Variants in IMPDH2 observed in about 807,000 individuals in gnomAD.
IMPDH2 encodes the protein inosine-5'-monophosphate dehydrogenase 2.
Under a neutral mutation model 57.8 loss-of-function variants are expected in IMPDH2, and 33 were observed. That is an observed-to-expected ratio of 0.57 (90% confidence interval 0.43 to 0.76). The LOEUF (loss-of-function observed/expected upper bound fraction) is 0.76. Among genes scored for constraint, IMPDH2 ranks in the 30% least tolerant of loss-of-function variants. The pLI is 0.00. For synonymous variants in IMPDH2, 270 were observed against 241.3 expected (o/e 1.12, Z -1.10); for missense variants, 446 against 659.1 (o/e 0.68, Z 3.54).
At chr3:49,027,630 G>T in intron 5 of IMPDH2, 80 bp downstream of exon 5, 1 of 1,178,088 alleles carries the variant, frequency 8.5e-7, no homozygotes, top group Non-Finnish European at 1.3e-6. Context: ...GAGGCTATCA[G>T]AGATGTCTTA....
Position 49,026,729 on chromosome 3 carries a change from C to T in IMPDH2, c.777G>A (p.Arg259=). 6.2e-7 allele frequency: 1 copy of T among 1,614,218 alleles called. No homozygotes were observed. The highest frequency in any genetic ancestry group is 1.1e-5 in the South Asian group (1 of 91,090). ...AIGTHEDDKY[R]LDLLAQAGVD... Reference sequence around the variant, plus strand: ...CACCAGCCTGGGCGAGCAAGTCCAGCCTATACTTGTCATCCTCATGAGTGC... The same window carrying T: ...CACCAGCCTGGGCGAGCAAGTCCAGTCTATACTTGTCATCCTCATGAGTGC... The change falls in exon 7 of 14, where the codon AGG becomes AGA. Residue 259 remains arginine (R), a synonymous_variant. Transcript: ENST00000326739.
rs780190653 is a variant in IMPDH2 at position 49,028,431 on chromosome 3, C to T, written c.249G>A (p.Ala83=). ...TTCCCCCACACCCCATGGGGCTCAC[C>T]GCCATTGCTATGGCCATCCCAGCCT... ...VTEAGMAIAM[A]LTGGIGFIHH... The change falls in exon 3 of 14, where the codon GCG becomes GCA. Residue 83 remains alanine, a splice_region_variant and synonymous_variant. Transcript: ENST00000326739. The T allele has an allele frequency of 2.2e-5, 36 of 1,611,946 alleles. No individual in the cohort carries two copies. The highest frequency in any genetic ancestry group is 2.8e-5 in the Non-Finnish European group (33 of 1,178,132).
Position 49,028,259 on chromosome 3 carries a change from G to A in IMPDH2, c.313C>T (p.Arg105Trp), listed in dbSNP as rs149685959. Reference sequence around the variant, plus strand: ...GTTGCCCTTCTGACCTTCACTTTCCGAACTTCATTGGCCTGGAATTCAGGT... The same window carrying A: ...GTTGCCCTTCTGACCTTCACTTTCCAAACTTCATTGGCCTGGAATTCAGGT... Reference protein sequence around the residue: ...CTPEFQANEVRKVKKYEQGFI... With the variant: ...CTPEFQANEVWKVKKYEQGFI... The change falls in exon 4 of 14, where the codon CGG (arginine) becomes TGG (tryptophan). Residue 105 changes from arginine to tryptophan, a missense_variant. Arg to Trp is a moderately radical substitution (Grantham distance 101). Transcript: ENST00000326739. 3.1e-6 allele frequency: 5 copies of A among 1,613,980 alleles called. No homozygotes were observed. The highest frequency in any genetic ancestry group is 4.2e-6 in the Non-Finnish European group (5 of 1,179,922).
intron 10 of IMPDH2, 37 bp downstream of exon 10, chr3:49,025,089 G>C (rs1444014793): frequency 1.2e-6 from 2 of 1,614,230 alleles, no homozygotes; most frequent in East Asian, 2.2e-5. Flanking sequence ...GCACTAGGGA[G>C]GGGGTCCCAC....
intron 9 of IMPDH2, 200 bp from the exon 10 acceptor site, chr3:49,025,469 C>T: frequency 1.6e-6 from 1 of 606,340 alleles, no homozygotes. Context: ...TCTACTCACC[C>T]CCACATGTGC....
intron 1 of IMPDH2, 159 bp from the exon 2 acceptor site, chr3:49,028,965 G>C (rs544071614): frequency 1.4e-6 from 1 of 696,424 alleles, no homozygotes; most frequent in Non-Finnish European, 2.6e-6. Context: ...AATGGGTACA[G>C]GGGACCTTTT....
chr3:49,026,607 G>C lies in IMPDH2; in HGVS notation c.822C>G (p.Asp274Glu). The C allele has an allele frequency of 6.2e-7, 1 of 1,612,954 alleles. No homozygotes were observed. The highest frequency in any genetic ancestry group is 8.5e-7 in the Non-Finnish European group (1 of 1,178,906). The change falls in exon 8 of 14, where the codon GAC (aspartate) becomes GAG (glutamate). Residue 274 changes from aspartate to glutamate, a missense_variant and splice_region_variant. Coordinates refer to ENST00000326739, the MANE Select transcript of IMPDH2 (RefSeq NM_000884.3). The part of the protein sequence containing the change: ...AQAGVDVVVL[D>E]SSQGNSIFQI... ...GGAAGATGGAATTTCCCTGGGAAGA[G>C]TCCTAGGACAAGAAGTAAGTCTCAG...
In IMPDH2 at chr3:49,028,499, G is replaced by A; in HGVS notation, c.181C>T (p.Leu61Phe). 1 of 1,614,122 alleles carries A rather than the reference G, an allele frequency of 6.2e-7. No individual in the cohort carries two copies. Among genetic ancestry groups the A allele is most frequent in the Non-Finnish European group, 8.5e-7 (1 of 1,179,990 alleles). ...LTSALTKKIT[L>F]KTPLVSSPMD... Reference sequence around the variant, plus strand: ...GGAGAGGAAACCAGTGGGGTCTTAAGAGTGATTTTCTTGGTCAGAGCAGAA... The same window carrying A: ...GGAGAGGAAACCAGTGGGGTCTTAAAAGTGATTTTCTTGGTCAGAGCAGAA... Residue 61 changes from leucine to phenylalanine, a missense_variant, in exon 3 of 14, where the codon CTT (leucine) becomes TTT (phenylalanine). Coordinates refer to ENST00000326739, the MANE Select transcript of IMPDH2 (RefSeq NM_000884.3).
At chr3:49,025,364 A>C in intron 9 of IMPDH2, 95 bp from the exon 10 acceptor site, 1 of 1,368,144 alleles carries the variant, frequency 7.3e-7, no homozygotes, top group East Asian at 2.3e-5. Context: ...TTTTGGCTAC[A>C]TCTGCATCAG....
intron 4 of IMPDH2, 100 bp downstream of exon 4, chr3:49,028,148 G>A: frequency 9.5e-7 from 1 of 1,054,136 alleles, no homozygotes; most frequent in East Asian, 2.4e-5. Flanking sequence ...CCCCATGGTG[G>A]GAAGAAAGAA....
In IMPDH2 at chr3:49,026,761, C is replaced by A; in HGVS notation, c.745G>T (p.Ala249Ser). ...DAKKQLLCGA[A>S]IGTHEDDKYR... ...TTGTCATCCTCATGAGTGCCAATGG[C>A]TGCCCCACACAGCAGCTGTTTCTTG... Residue 249 changes from alanine to serine, a missense_variant, in exon 7 of 14, where the codon GCC becomes TCC. Ala to Ser is a moderately conservative substitution (Grantham distance 99, BLOSUM62 1). Transcript: ENST00000326739. 6.2e-7 allele frequency: 1 copy of A among 1,614,226 alleles called. No homozygotes were observed. Among genetic ancestry groups the A allele is most frequent in the African/African-American group, 1.3e-5 (1 of 75,064 alleles).
chr3:49,024,904 T>C lies in IMPDH2; in HGVS notation c.1287A>G (p.Arg429=). 6.2e-7 allele frequency: 1 copy of C among 1,614,204 alleles called. No homozygotes were observed. Among genetic ancestry groups the C allele is most frequent in the Non-Finnish European group, 8.5e-7 (1 of 1,180,038 alleles). The change falls in exon 11 of 14, where the codon AGA becomes AGG. Residue 429 remains arginine (R), a synonymous_variant. Transcript: ENST00000326739. ...TGGCTTGCCTGTCCCACCTGAAATA[T>C]CTGTTCTGGCTGCTGAGGTGCTTGT... is the stretch of plus-strand genomic sequence containing the variant. ...AMDKHLSSQN[R]YFSEADKIKV...
chr3:49,029,150 T>C (rs780822821), intron 1 of IMPDH2, 103 bp downstream of exon 1: 2 of 941,268 alleles, frequency 2.1e-6, no homozygotes, highest in Non-Finnish European at 3.3e-6. Context: ...CCGAAACCTG[T>C]CCCCCACGCC....
At chr3:49,028,920 A>C in intron 1 of IMPDH2, 114 bp from the exon 2 acceptor site, 1 of 858,946 alleles carries the variant, frequency 1.2e-6, no homozygotes, top group Non-Finnish European at 1.9e-6. Context: ...TGGCACTGAC[A>C]GAGTCTGTGT....
chr3:49,027,142 G>GT, intron 5 of IMPDH2, 95 bp from the exon 6 acceptor site: 1 of 923,594 alleles, frequency 1.1e-6, no homozygotes, highest in Non-Finnish European at 1.8e-6. Context: ...TCAGAGGCAC[G>GT]CGCCACCACA....
rs914226268 is a variant in IMPDH2, at chr3:49,025,024, G to T, written c.1167C>A (p.Leu389=). 6.2e-7 allele frequency: 1 copy of T among 1,614,242 alleles called. No homozygotes were observed. Among genetic ancestry groups the T allele is most frequent in the Non-Finnish European group, 8.5e-7 (1 of 1,180,048 alleles). Residue 389 remains leucine (L), a synonymous_variant, in exon 11 of 14, where the codon CTC becomes CTA. Transcript: ENST00000326739. ...CAGGGGCCTCAGTGGTGGCAGCCAG[G>T]AGAGAGCCCATCATGACTGCGGACA... ...LGASTVMMGS[L]LAATTEAPGE...
Position 49,026,682 on chromosome 3 carries a change from C to T in IMPDH2, c.819+5G>A, listed in dbSNP as rs1167841314. ...TTGCCCCAACCCACCTGTGTAGCAG[C>T]TCACCAAAACCACTACATCCACACC... On this transcript the variant is annotated splice_donor_5th_base_variant and intron_variant, in intron 7 of 13. Coordinates refer to ENST00000326739, the MANE Select transcript of IMPDH2 (RefSeq NM_000884.3). The T allele has an allele frequency of 1.2e-6, 2 of 1,614,012 alleles. No individual in the cohort carries two copies. The highest frequency in any genetic ancestry group is 1.7e-5 in the Admixed American group (1 of 60,022).
At chr3:49,027,673 T>C in intron 5 of IMPDH2, 37 bp downstream of exon 5, 1 of 1,557,972 alleles carries the variant, frequency 6.4e-7, no homozygotes, top group Non-Finnish European at 8.9e-7. Context: ...CAACCTGGGC[T>C]GCTAGAGCTT....
chr3:49,025,341 A>T, intron 9 of IMPDH2, 72 bp from the exon 10 acceptor site: 1 of 1,553,412 alleles, frequency 6.4e-7, no homozygotes, highest in Non-Finnish European at 8.9e-7. Context: ...GGCCATATTT[A>T]GGACCCAGGA....
Sources: allele counts gnomAD v4.1 joint callset, GRCh38; gene constraint gnomAD v4.1.1; transcripts MANE v1.5; gene names NCBI Gene and HGNC (gene_info 2026-07-23, HGNC 2026-07-21).